The following STAG1 variants were observed in gnomAD, a reference collection of about 807,000 sequenced individuals.
The protein encoded by STAG1 is STAG1 cohesin complex component.
In STAG1, 26 loss-of-function variants were observed where a neutral mutation model predicts 170.9. The ratio of observed to expected loss-of-function variants is 0.15; its 90% CI spans 0.11 to 0.21. STAG1 has a LOEUF of 0.21. STAG1 is among the 10% of genes least tolerant of loss of function. The pLI is 1.00. For synonymous variants in STAG1, 514 were observed against 497.7 expected, an observed-to-expected ratio of 1.03 and a Z score of -0.44; for missense variants, 964 against 1,509.5, an observed-to-expected ratio of 0.64 and a Z score of 5.99.
At chr3:136,413,586 G>A (rs1465019593) in intron 21 of STAG1, among the ~76,000 whole-genome samples, 1 of 151,870 alleles carries the variant, frequency 6.6e-6, no homozygotes, top group Non-Finnish European at 1.5e-5. Flanking sequence ...AGCCTCCCGA[G>A]TAGTTGAAAT....
rs75866822 is a variant in STAG1, at chr3:136,574,717, T to C, written c.298-5856A>G. On this transcript the variant is annotated intron_variant, in intron 4 of 33. Coordinates refer to ENST00000383202, the MANE Select transcript of STAG1 (RefSeq NM_005862.3). The stretch of plus-strand genomic sequence containing the variant: ...GATTGAACTAAAAGAGGCAAATTCA[T>C]AGCCATGGCTGAAATTTTTAACACA... 5.3e-5 allele frequency among the ~76,000 whole-genome samples: 8 copies of C among 152,320 alleles called. No individual in the cohort carries two copies. The East Asian group carries it at 1.4e-3, about 26-fold the overall frequency.
At chr3:136,665,817 T>C (rs1002103883) in intron 1 of STAG1, among the ~76,000 whole-genome samples, 2 of 144,372 alleles carry the variant, frequency 1.4e-5, no homozygotes, top group Admixed American at 7.1e-5. Context: ...GGCTCACACC[T>C]GTAATCCCAG....
chr3:136,656,155 G>A (rs1317270008), intron 1 of STAG1, among the ~76,000 whole-genome samples: 12 of 148,680 alleles, frequency 8.1e-5, no homozygotes, highest in African/African-American at 2.5e-4. Context: ...TTAGCGAGTC[G>A]CAAAAAAATA....
chr3:136,749,984 A>C (rs894612455), intron 1 of STAG1, among the ~76,000 whole-genome samples: 1 of 152,004 alleles, frequency 6.6e-6, no homozygotes, highest in Non-Finnish European at 1.5e-5. Context: ...AACAAATAAA[A>C]GGGGAAACAA....
intron 1 of STAG1, among the ~76,000 whole-genome samples, chr3:136,689,069 C>G (rs1559952527): frequency 6.6e-6 from 1 of 152,172 alleles, no homozygotes; most frequent in Non-Finnish European, 1.5e-5. Flanking sequence ...TTATGGTGTT[C>G]TTTATAGAAC....
At chr3:136,741,168 C>T (rs1296967446) in intron 1 of STAG1, among the ~76,000 whole-genome samples, 1 of 152,214 alleles carries the variant, frequency 6.6e-6, no homozygotes, top group Admixed American at 6.5e-5. Context: ...CTGAGTTTCT[C>T]TAAGCTTGGG....
In STAG1 at chr3:136,469,933, T is replaced by C. The variant is rs570986853; in HGVS notation, c.1205+2480A>G. ...GTGCTGGGAAAACTGGCTAGCCACA[T>C]GTAGAAAGCTGAAACTGGATCCCTT... On this transcript the variant is annotated intron_variant, in intron 12 of 33. Coordinates refer to ENST00000383202, the MANE Select transcript of STAG1 (RefSeq NM_005862.3). 2.2e-4 allele frequency among the ~76,000 whole-genome samples: 34 copies of C among 152,340 alleles called. No homozygotes were observed. The South Asian group carries it at 7.0e-3, about 32-fold the overall frequency.
chr3:136,467,927 T>G (rs1363084417), intron 12 of STAG1, among the ~76,000 whole-genome samples: 1 of 152,094 alleles, frequency 6.6e-6, no homozygotes, highest in Non-Finnish European at 1.5e-5. Context: ...CATAACGAAA[T>G]GAAGGCAGTA....
chr3:136,521,296 T>A lies in STAG1; in HGVS notation c.593A>T (p.Tyr198Phe). The A allele has an allele frequency of 6.2e-7, 1 of 1,613,814 alleles. No individual in the cohort carries two copies. The highest frequency in any genetic ancestry group is 8.5e-7 in the Non-Finnish European group (1 of 1,179,812). ...QCQYSIIYDE[Y>F]MMDTVISLLT... The stretch of plus-strand genomic sequence containing the variant: ...AAGGGAGATTACTGTGTCCATCATA[T>A]ACTCATCATAAATTATGCTATACTG... The change falls in exon 7 of 34, where the codon TAT becomes TTT. Residue 198 changes from tyrosine to phenylalanine, a missense_variant. Around this residue, in one of 11 missense-constraint regions of STAG1, gnomAD observed 40 missense variants for 44.1 expected, o/e 0.91. Coordinates refer to ENST00000383202, the MANE Select transcript of STAG1 (RefSeq NM_005862.3).
intron 23 of STAG1, among the ~76,000 whole-genome samples, chr3:136,374,315 G>C (rs559698324): frequency 0.14 from 12,442 of 90,606 alleles, 1,685 homozygotes; most frequent in African/African-American, 0.34. Context: ...CTAGAATAAA[G>C]ATATAAGAAA....
At chr3:136,509,479 T>C (rs1403432894) in intron 7 of STAG1, among the ~76,000 whole-genome samples, 1 of 150,826 alleles carries the variant, frequency 6.6e-6, no homozygotes, top group Non-Finnish European at 1.5e-5. Context: ...ATGGGAGAGA[T>C]GGTTGTATGG....
intron 21 of STAG1, among the ~76,000 whole-genome samples, chr3:136,401,138 C>A (rs1412050068): frequency 6.6e-6 from 1 of 152,164 alleles, no homozygotes; most frequent in Non-Finnish European, 1.5e-5. Context: ...ACATCTTGAT[C>A]TTATTGTAAA....
At chr3:136,646,427 A>G (rs1329343354) in intron 1 of STAG1, among the ~76,000 whole-genome samples, 1 of 152,222 alleles carries the variant, frequency 6.6e-6, no homozygotes, top group Admixed American at 6.5e-5. Context: ...TCCAAAGTTC[A>G]TCCAAAAATA....
At chr3:136,394,805 T>C (rs1398986836) in intron 22 of STAG1, among the ~76,000 whole-genome samples, 1 of 151,766 alleles carries the variant, frequency 6.6e-6, no homozygotes, top group Non-Finnish European at 1.5e-5. Context: ...ATACAAAAAT[T>C]AGCCAGGCAT....
chr3:136,421,231 CTAAA>C, intron 19 of STAG1, 68 bp from the exon 20 acceptor site: 1 of 968,572 alleles, frequency 1.0e-6, no homozygotes, highest in Non-Finnish European at 1.5e-6. Flanking sequence ...TACTTATTGC[CTAAA>C]TAAAAATTCT....
intron 2 of STAG1, among the ~76,000 whole-genome samples, chr3:136,627,665 G>A (rs1940166435): frequency 6.6e-6 from 1 of 152,124 alleles, no homozygotes; most frequent in Admixed American, 6.5e-5. Flanking sequence ...CAGTGAAAAT[G>A]ACAGGTCAAG....
At chr3:136,430,428 C>A (rs756118673) in intron 16 of STAG1, among the ~76,000 whole-genome samples, 4 of 152,000 alleles carry the variant, frequency 2.6e-5, no homozygotes, top group Non-Finnish European at 4.4e-5. Flanking sequence ...AATTTTGCTC[C>A]AATATAGTTC....
intron 1 of STAG1, among the ~76,000 whole-genome samples, chr3:136,696,444 A>T (rs1477755969): frequency 6.6e-6 from 1 of 152,228 alleles, no homozygotes; most frequent in Non-Finnish European, 1.5e-5. Flanking sequence ...ACAACAGTGT[A>T]TGATTCTATA....
chr3:136,609,094 GAAGA>G (rs1358271627), intron 3 of STAG1: 2 of 152,724 alleles, frequency 1.3e-5, no homozygotes, highest in African/African-American at 4.8e-5. Flanking sequence ...AAGTCAAAGT[GAAGA>G]AAGAGTCAAA....
Sources: gnomAD v4.1 joint callset for allele counts (sites outside exome capture counted in the v4.1 genomes callset) on GRCh38, gnomAD v4.1.1 for gene constraint, gnomAD v4.1.1 regional missense constraint, MANE v1.5 for transcripts, NCBI Gene and HGNC (gene_info 2026-07-23, HGNC 2026-07-21) for gene names.